The following BRD10 variants were observed in gnomAD, a reference collection of about 807,000 sequenced individuals.
The protein encoded by BRD10 is bromodomain containing 10, also known as uncharacterized bromodomain-containing protein 10.
the BRD10 span, among the ~76,000 whole-genome samples, chr9:5,999,953 T>C: frequency 0.95 from 145,247 of 152,234 alleles, 69,581 homozygotes; most frequent in Non-Finnish European, 0.99. Context: ...GGAGGGTATG[T>C]TGTCTGTGTT....
the BRD10 span, among the ~76,000 whole-genome samples, chr9:6,004,489 G>T: frequency 6.6e-6 from 1 of 152,158 alleles, no homozygotes; most frequent in Admixed American, 6.5e-5. Context: ...TGAGAATGTG[G>T]TATCCTCTTT....
the BRD10 span, among the ~76,000 whole-genome samples, chr9:5,974,009 G>C: frequency 6.6e-6 from 1 of 152,152 alleles, no homozygotes; most frequent in African/African-American, 2.4e-5. Context: ...GAATTTTCCA[G>C]AACTAATGGG....
the BRD10 span, chr9:5,933,746 C>T: frequency 8.5e-6 from 4 of 470,108 alleles, no homozygotes; most frequent in African/African-American, 8.0e-5. Flanking sequence ...GGGAGGGAAA[C>T]TTACCTCACA....
At chr9:5,886,808 T>C in the BRD10 span, among the ~76,000 whole-genome samples, 1 of 152,186 alleles carries the variant, frequency 6.6e-6, no homozygotes, top group Non-Finnish European at 1.5e-5. Flanking sequence ...TTTTTCAAGT[T>C]GAGGTGCCCA....
At chr9:5,950,217 T>C in the BRD10 span, among the ~76,000 whole-genome samples, 3 of 152,192 alleles carry the variant, frequency 2.0e-5, no homozygotes, top group Non-Finnish European at 1.5e-5. Context: ...TTTAAGTAAA[T>C]GGAAAGAGTG....
chr9:5,991,139 A>T, the BRD10 span, among the ~76,000 whole-genome samples: 3 of 149,618 alleles, frequency 2.0e-5, no homozygotes, highest in African/African-American at 4.9e-5. Context: ...TTTAACCCAA[A>T]AATAATTATA....
the BRD10 span, among the ~76,000 whole-genome samples, chr9:5,994,104 G>A: frequency 1.3e-5 from 2 of 152,074 alleles, no homozygotes; most frequent in African/African-American, 2.4e-5. Context: ...AGCCAAGTAC[G>A]AAACCAAGAT....
the BRD10 span, among the ~76,000 whole-genome samples, chr9:5,997,714 T>C: frequency 6.6e-6 from 1 of 152,220 alleles, no homozygotes; most frequent in Non-Finnish European, 1.5e-5. Context: ...GATTTCAACC[T>C]CACTTCTTCA....
the BRD10 span, among the ~76,000 whole-genome samples, chr9:5,941,645 G>C: frequency 1.3e-5 from 2 of 152,116 alleles, no homozygotes; most frequent in South Asian, 2.1e-4. Context: ...TAGTTGCTTT[G>C]CAAGAATGAG....
chr9:5,882,748 T>C, the BRD10 span, among the ~76,000 whole-genome samples: 5 of 152,100 alleles, frequency 3.3e-5, no homozygotes, highest in East Asian at 7.7e-4. Flanking sequence ...AGAAATACCA[T>C]TTGACCCAGC....
At chr9:5,924,663 T>A in the BRD10 span, 1 of 1,501,034 alleles carries the variant, frequency 6.7e-7, no homozygotes, top group Non-Finnish European at 8.9e-7. Context: ...CTTACCTGAA[T>A]CAAAGTGATC....
chr9:5,895,960 C>T, the BRD10 span, among the ~76,000 whole-genome samples: 1 of 152,218 alleles, frequency 6.6e-6, no homozygotes, highest in East Asian at 1.9e-4. Flanking sequence ...AATGAGAGCA[C>T]AGGCATGTTG....
the BRD10 span, chr9:6,007,366 T>C: frequency 1.2e-6 from 2 of 1,613,276 alleles, no homozygotes; most frequent in Non-Finnish European, 1.7e-6. Flanking sequence ...CTCTTCCATC[T>C]GCAGCAGACA....
chr9:5,964,905 G>A, the BRD10 span, among the ~76,000 whole-genome samples: 5 of 119,732 alleles, frequency 4.2e-5, no homozygotes, highest in East Asian at 7.9e-4. Flanking sequence ...GGGGACTGTG[G>A]TGGGGTGGGG....
the BRD10 span, chr9:5,920,198 G>C: frequency 6.2e-7 from 1 of 1,614,002 alleles, no homozygotes. Context: ...TATTGGTGTA[G>C]ATTGAATGCC....
chr9:5,926,179 G>C, the BRD10 span, among the ~76,000 whole-genome samples: 1 of 152,172 alleles, frequency 6.6e-6, no homozygotes, highest in Non-Finnish European at 1.5e-5. Flanking sequence ...GCCTCCTAAA[G>C]TGCTGGGATT....
At chr9:5,944,910 C>A in the BRD10 span, 2 of 1,546,050 alleles carry the variant, frequency 1.3e-6, no homozygotes, top group African/African-American at 1.4e-5. Flanking sequence ...TGAGTTCATT[C>A]TCGATTTTTG....
At chr9:5,973,701 C>G in the BRD10 span, among the ~76,000 whole-genome samples, 22,870 of 151,854 alleles carry the variant, frequency 0.15, 1,873 homozygotes, top group Middle Eastern at 0.24. Flanking sequence ...TCAGACTAGG[C>G]AACATGGCGA....
chr9:5,952,727 G>A, the BRD10 span, among the ~76,000 whole-genome samples: 1 of 152,142 alleles, frequency 6.6e-6, no homozygotes, highest in African/African-American at 2.4e-5. Context: ...TACATTCCCA[G>A]GGCTGATGCT....
Sources: allele counts gnomAD v4.1 joint callset (sites outside exome capture counted in the v4.1 genomes callset), GRCh38; gene constraint gnomAD v4.1.1; transcripts MANE v1.5; gene names NCBI Gene and HGNC (gene_info 2026-07-23, HGNC 2026-07-21).